Variants in CSMD1 observed in about 807,000 individuals in gnomAD.
The protein encoded by CSMD1 is CUB and sushi domain-containing protein 1.
A neutral mutation model predicts 417.5 loss-of-function variants in CSMD1; 213 were observed. That is an observed-to-expected ratio of 0.51 (90% CI 0.46 to 0.57). The LOEUF is 0.57. Ranked by LOEUF, CSMD1 falls within the 20% of genes least tolerant of loss-of-function variation. CSMD1 has a pLI of 0.00. For synonymous variants in CSMD1, 2,862 were observed against 1,736.8 expected (o/e 1.65, Z -16.11); for missense variants, 6,923 against 4,529.7 (o/e 1.53, Z -15.17).
chr8:4,224,954 T>TA (rs1169059441), intron 3 of CSMD1, among the ~76,000 whole-genome samples: 73 of 151,838 alleles, frequency 4.8e-4, no homozygotes, highest in African/African-American at 1.0e-3. Flanking sequence ...CTAATAAAAT[T>TA]AAAAAAAATT....
At chr8:4,304,737 A>G (rs1257261546) in intron 3 of CSMD1, among the ~76,000 whole-genome samples, 2 of 152,190 alleles carry the variant, frequency 1.3e-5, no homozygotes, top group East Asian at 1.9e-4. Context: ...ATCACTTGGT[A>G]AAAGAAAAGA....
At chr8:3,761,423 T>G (rs879571667) in intron 5 of CSMD1, among the ~76,000 whole-genome samples, 8 of 146,308 alleles carry the variant, frequency 5.5e-5, no homozygotes, top group Admixed American at 2.0e-4. Context: ...CAAAATAAAA[T>G]AAAAAAACCC....
intron 1 of CSMD1, among the ~76,000 whole-genome samples, chr8:4,688,835 A>G (rs1341492419): frequency 6.6e-6 from 1 of 152,198 alleles, no homozygotes; most frequent in Non-Finnish European, 1.5e-5. Context: ...GTCTGATGTG[A>G]TGCCTGTTGT....
chr8:3,939,549 A>C lies in CSMD1; in HGVS notation c.818+58354T>G, dbSNP rs1810736151. 3.9e-5 allele frequency among the ~76,000 whole-genome samples: 6 copies of C among 152,170 alleles called. No individual in the cohort carries two copies. The South Asian group carries it at 1.2e-3, about 32-fold the overall frequency. On this transcript the variant is annotated intron_variant, in intron 5 of 69. Transcript: ENST00000635120. ...TCAAAGGAAAAGACGTCATCATATG[A>C]AAAAGGCACATGCACAAGCATGTTT...
intron 6 of CSMD1, among the ~76,000 whole-genome samples, chr8:3,742,989 A>C (rs1352214947): frequency 6.6e-6 from 1 of 152,144 alleles, no homozygotes; most frequent in Non-Finnish European, 1.5e-5. Flanking sequence ...TAGTGGAAGC[A>C]GTAAAATCCA....
chr8:2,983,287 C>T (rs1283694353), intron 54 of CSMD1, among the ~76,000 whole-genome samples: 2 of 152,038 alleles, frequency 1.3e-5, no homozygotes, highest in Non-Finnish European at 2.9e-5. Flanking sequence ...GCTGGATTCA[C>T]GCCATTCTCC....
intron 2 of CSMD1, among the ~76,000 whole-genome samples, chr8:4,521,010 C>G (rs1010481558): frequency 6.6e-6 from 1 of 152,144 alleles, no homozygotes; most frequent in African/African-American, 2.4e-5. Flanking sequence ...CTGTTGCCCA[C>G]TGCTGTTTCA....
intron 25 of CSMD1, among the ~76,000 whole-genome samples, chr8:3,301,195 A>G (rs1804375422): frequency 6.6e-6 from 1 of 151,742 alleles, no homozygotes; most frequent in Non-Finnish European, 1.5e-5. Flanking sequence ...AAATTTTTAA[A>G]ATAAAACAAA....
intron 3 of CSMD1, among the ~76,000 whole-genome samples, chr8:4,083,265 C>G (rs1800237334): frequency 6.6e-6 from 1 of 152,176 alleles, no homozygotes; most frequent in Non-Finnish European, 1.5e-5. Flanking sequence ...TCCACAACCT[C>G]TCCAGCACCT....
chr8:4,341,956 A>G (rs1437990855), intron 3 of CSMD1, among the ~76,000 whole-genome samples: 2 of 152,120 alleles, frequency 1.3e-5, no homozygotes, highest in East Asian at 1.9e-4. Flanking sequence ...ACTGACACAT[A>G]TTACCCTGGT....
intron 3 of CSMD1, among the ~76,000 whole-genome samples, chr8:4,184,583 C>A (rs1011071878): frequency 6.6e-6 from 1 of 151,698 alleles, no homozygotes; most frequent in African/African-American, 2.4e-5. Context: ...GAGCTGTAGA[C>A]CATTATCTTT....
intron 12 of CSMD1, among the ~76,000 whole-genome samples, chr8:3,434,550 C>A (rs1814424130): frequency 6.6e-6 from 1 of 152,120 alleles, no homozygotes; most frequent in South Asian, 2.1e-4. Context: ...ACAAATATTT[C>A]CTTCTAAATA....
chr8:3,859,567 G>C (rs577520968), intron 5 of CSMD1, among the ~76,000 whole-genome samples: 6 of 152,116 alleles, frequency 3.9e-5, no homozygotes, highest in East Asian at 3.9e-4. Context: ...AACAATCTTA[G>C]TGCGAAGTTG....
chr8:4,231,059 A>G (rs1025178783), intron 3 of CSMD1, among the ~76,000 whole-genome samples: 1 of 152,200 alleles, frequency 6.6e-6, no homozygotes, highest in African/African-American at 2.4e-5. Flanking sequence ...AAAATTGGGG[A>G]AAGCGTTTTT....
intron 1 of CSMD1, among the ~76,000 whole-genome samples, chr8:4,838,801 C>G (rs1231498694): frequency 6.6e-6 from 1 of 152,210 alleles, no homozygotes; most frequent in Non-Finnish European, 1.5e-5. Context: ...CCGACAGACA[C>G]TGGCTCCCAA....
chr8:4,769,360 T>C lies in CSMD1; in HGVS notation c.86-131802A>G, dbSNP rs140993975. ...TTAAGTAAGTATACTATGGGTTTTA[T>C]TCAATGAGGGAATTATGCATGAGGA... On this transcript the variant is annotated intron_variant, in intron 1 of 69. Coordinates refer to ENST00000635120, the MANE Select transcript of CSMD1 (RefSeq NM_033225.6). 5.7e-3 allele frequency among the ~76,000 whole-genome samples: 865 copies of C among 152,336 alleles called. 4 individuals carry two copies. Among genetic ancestry groups the C allele is most frequent in the African/African-American group, 0.02 (828 of 41,570 alleles).
At chr8:4,154,585 T>G (rs1411252140) in intron 3 of CSMD1, among the ~76,000 whole-genome samples, 1 of 151,876 alleles carries the variant, frequency 6.6e-6, no homozygotes, top group African/African-American at 2.4e-5. Context: ...AGAGGTGAGG[T>G]CTTTGGCAAT....
intron 3 of CSMD1, among the ~76,000 whole-genome samples, chr8:4,360,295 C>G (rs1227805451): frequency 6.6e-6 from 1 of 152,110 alleles, no homozygotes; most frequent in African/African-American, 2.4e-5. Context: ...AATAGTGGTC[C>G]CCAAATGCAT....
At chr8:3,798,583 G>A (rs1800290567) in intron 5 of CSMD1, among the ~76,000 whole-genome samples, 1 of 151,970 alleles carries the variant, frequency 6.6e-6, no homozygotes. Context: ...CAATGAAAAG[G>A]CAATTATAAA....
Sources: gnomAD v4.1 joint callset for allele counts (sites outside exome capture counted in the v4.1 genomes callset) on GRCh38, gnomAD v4.1.1 for gene constraint, MANE v1.5 for transcripts, NCBI Gene and HGNC (gene_info 2026-07-23, HGNC 2026-07-21) for gene names.